The following COL3A1 variants were observed in gnomAD, a reference collection of about 807,000 sequenced individuals.
COL3A1 encodes the protein collagen type III alpha 1 chain, also known as collagen alpha-1(III) chain.
In COL3A1, 46 loss-of-function variants were observed where a neutral mutation model predicts 200.9. That is an observed-to-expected ratio of 0.23 (90% CI 0.18 to 0.29). The LOEUF (loss-of-function observed/expected upper bound fraction) is 0.29. COL3A1 is among the 10% of genes least tolerant of loss of function. COL3A1 has a pLI of 1.00. For missense variants in COL3A1, 1,367 were observed against 1,917.6 expected (o/e 0.71, Z 5.36); for synonymous variants, 650 against 628.0 (o/e 1.03, Z -0.52).
intron 1 of COL3A1, chr2:188,978,095 T>C (rs1222317273): frequency 7.3e-6 from 3 of 411,782 alleles, no homozygotes; most frequent in Non-Finnish European, 1.5e-5. Context: ...ACTACCTATT[T>C]ATGTATAGGC....
rs756125442 is a variant in COL3A1, at chr2:188,987,083, T to A, written c.472T>A (p.Tyr158Asn). ...PQNYSPQYDSYDVKSGVAVGG... is the reference protein window; with the variant it reads ...PQNYSPQYDSNDVKSGVAVGG... ...GAACTATTCTCCCCAGTATGATTCATATGATGTCAAGTCTGGAGTAGCAGT... is the reference window on the plus strand; with the variant it reads ...GAACTATTCTCCCCAGTATGATTCAAATGATGTCAAGTCTGGAGTAGCAGT... Residue 158 changes from tyrosine (Y) to asparagine (N), a missense_variant, in exon 5 of 51, where the codon TAT becomes AAT. Tyr to Asn is a moderately radical substitution (Grantham distance 143, BLOSUM62 -2). Around this residue, in one of 5 missense-constraint regions of COL3A1, gnomAD observed 462 missense variants for 681.4 expected, o/e 0.68. Transcript: ENST00000304636. The A allele has an allele frequency of 6.4e-5, 103 of 1,612,870 alleles. No individual in the cohort carries two copies. The highest frequency in any genetic ancestry group is 1.7e-4 in the Admixed American group (10 of 59,896).
In COL3A1 at chr2:188,994,298, G is replaced by C; in HGVS notation, c.1259G>C (p.Gly420Ala). The change falls in exon 18 of 51, where the codon GGT becomes GCT. Residue 420 changes from glycine to alanine, a missense_variant. Physicochemically the swap from Gly to Ala is moderately conservative, Grantham distance 60. Transcript: ENST00000304636. The surrounding 1 kb of genome is among the most constrained non-coding windows in gnomAD (Gnocchi z 4.5). ...MGARGPPGPA[G>A]ANGAPGLRGG... ...GCCCGGGGTCCTCCAGGACCAGCCG[G>C]TGCTAATGGTGCTCCTGGACTGCGA... is the stretch of plus-strand genomic sequence containing the variant. 1 of 1,613,800 alleles carries C rather than the reference G, an allele frequency of 6.2e-7. No homozygotes were observed. The highest frequency in any genetic ancestry group is 8.5e-7 in the Non-Finnish European group (1 of 1,179,986).
At chr2:188,985,006 G>T in intron 2 of COL3A1, 44 bp downstream of exon 2, 1 of 1,558,474 alleles carries the variant, frequency 6.4e-7, no homozygotes, top group Non-Finnish European at 8.8e-7. Context: ...TTCATATTTA[G>T]ACACATGAAT....
In COL3A1 at chr2:189,008,102, C is replaced by T. The variant is rs765522037; in HGVS notation, c.3485C>T (p.Pro1162Leu). The T allele has an allele frequency of 6.2e-7, 1 of 1,613,918 alleles. No individual in the cohort carries two copies. Among genetic ancestry groups the T allele is most frequent in the South Asian group, 1.1e-5 (1 of 91,032 alleles). ...GTSGHPGPIG[P>L]PGPRGNRGER... Reference sequence around the variant, plus strand: ...AGTGGACATCCAGGTCCCATTGGACCACCAGGGCCTCGAGGTAACAGAGGT... The same window carrying T: ...AGTGGACATCCAGGTCCCATTGGACTACCAGGGCCTCGAGGTAACAGAGGT... The change falls in exon 47 of 51, where the codon CCA (proline) becomes CTA (leucine). Residue 1162 changes from proline to leucine, a missense_variant. Coordinates refer to ENST00000304636, the MANE Select transcript of COL3A1 (RefSeq NM_000090.4).
chr2:189,003,447 G>A lies in COL3A1; in HGVS notation c.2590G>A (p.Gly864Ser). 6.2e-7 allele frequency: 1 copy of A among 1,613,576 alleles called. No homozygotes were observed. Residue 864 changes from glycine (G) to serine (S), a missense_variant, in exon 37 of 51, where the codon GGC (glycine) becomes AGC (serine). By Grantham distance (56) the Gly-to-Ser change is moderately conservative (BLOSUM62 0). Transcript: ENST00000304636. ...TCCCCAAGGTGTCAAAGGTGAACGTGGCAGTCCTGGTGGACCTGTAAGTAT... is the reference window on the plus strand; with the variant it reads ...TCCCCAAGGTGTCAAAGGTGAACGTAGCAGTCCTGGTGGACCTGTAAGTAT... ...PGPQGVKGER[G>S]SPGGPGAAGF...
chr2:188,982,798 G>A (rs1687981235), intron 1 of COL3A1, among the ~76,000 whole-genome samples: 2 of 151,898 alleles, frequency 1.3e-5, no homozygotes, highest in South Asian at 4.2e-4. Context: ...GGTTCATTTT[G>A]AGAAAAGGAA....
In COL3A1 at chr2:188,974,804, T is replaced by C. The variant is rs192380824; in HGVS notation, c.79+236T>C. ...AAGATAAGATGTTCTTGTACTAACTTGTTTTCATGTTAAAGGCACTGGAAA... is the reference window on the plus strand; with the variant it reads ...AAGATAAGATGTTCTTGTACTAACTCGTTTTCATGTTAAAGGCACTGGAAA... On this transcript the variant is annotated intron_variant, in intron 1 of 50. Coordinates refer to ENST00000304636, the MANE Select transcript of COL3A1 (RefSeq NM_000090.4). Among the ~76,000 whole-genome samples, 321 of 152,334 alleles carry C rather than the reference T, an allele frequency of 2.1e-3. 1 individual carries two copies. The highest frequency in any genetic ancestry group is 3.9e-3 in the Non-Finnish European group (264 of 68,026).
intron 3 of COL3A1, 122 bp from the exon 4 acceptor site, chr2:188,985,543 A>G: frequency 1.4e-6 from 1 of 707,946 alleles, no homozygotes; most frequent in East Asian, 2.7e-5. Flanking sequence ...AGTATGTGTT[A>G]TAAAGAAAAT....
intron 10 of COL3A1, 147 bp from the exon 11 acceptor site, chr2:188,990,857 A>G (rs1688173101): frequency 2.5e-6 from 2 of 790,406 alleles, no homozygotes; most frequent in South Asian, 3.1e-5. Flanking sequence ...AATATCTTCA[A>G]CCCCTTTAAA....
chr2:188,991,015 A>G lies in COL3A1; in HGVS notation c.810A>G (p.Gly270=), dbSNP rs1319987779. 1 of 1,613,338 alleles carries G rather than the reference A, an allele frequency of 6.2e-7. No homozygotes were observed. The highest frequency in any genetic ancestry group is 1.1e-5 in the South Asian group (1 of 91,006). ...PGMKGHRGFD[G]RNGEKGETGA... ...TATACATTTCCTAGGGCTTCGATGGACGAAATGGAGAAAAGGGTGAAACAG... is the reference window on the plus strand; with the variant it reads ...TATACATTTCCTAGGGCTTCGATGGGCGAAATGGAGAAAAGGGTGAAACAG... Residue 270 remains glycine (G), a synonymous_variant, in exon 11 of 51, where the codon GGA becomes GGG. Coordinates refer to ENST00000304636, the MANE Select transcript of COL3A1 (RefSeq NM_000090.4).
chr2:188,997,357 G>A lies in COL3A1; in HGVS notation c.1837G>A (p.Glu613Lys). The change falls in exon 26 of 51, where the codon GAA becomes AAA. Residue 613 changes from glutamate (E) to lysine (K), a missense_variant. Physicochemically the swap from Glu to Lys is moderately conservative, Grantham distance 56 (BLOSUM62 1). Transcript: ENST00000304636. ...TTAGGGTCCTCCTGGAAAGAATGGT[G>A]AAACTGGACCTCAGGGACCCCCAGG... ...GPQGPPGKNG[E>K]TGPQGPPGPT... is the part of the protein sequence containing the mutation. 6.2e-7 allele frequency: 1 copy of A among 1,613,898 alleles called. No individual in the cohort carries two copies. The highest frequency in any genetic ancestry group is 8.5e-7 in the Non-Finnish European group (1 of 1,179,846).
Position 188,991,480 on chromosome 2 carries a change from T to C in COL3A1, c.853-7T>C, listed in dbSNP as rs377063305. 5.7e-6 allele frequency: 9 copies of C among 1,584,402 alleles called. No homozygotes were observed. Among genetic ancestry groups the C allele is most frequent in the African/African-American group, 5.4e-5 (4 of 74,366 alleles). ...GTAAAATAGTAACATATTTTATATG[T>C]ATCTAGGGTGAAAATGGTCTTCCAG... On this transcript the variant is annotated splice_region_variant and splice_polypyrimidine_tract_variant and intron_variant, in intron 11 of 50. Transcript: ENST00000304636.
chr2:189,005,621 A>G (rs1344143669), intron 41 of COL3A1, 164 bp downstream of exon 41: 1 of 704,504 alleles, frequency 1.4e-6, no homozygotes, highest in Non-Finnish European at 2.6e-6. Context: ...GATAGACTTA[A>G]AAGCTCTTGT....
intron 32 of COL3A1, 130 bp downstream of exon 32, chr2:189,000,025 T>C (rs1289758834): frequency 3.4e-6 from 3 of 884,360 alleles, no homozygotes; most frequent in Middle Eastern, 2.8e-4. Context: ...AAGACCCGAA[T>C]GACTTGATTT....
intron 11 of COL3A1, 145 bp from the exon 12 acceptor site, chr2:188,991,338 GTAAA>G: frequency 1.6e-6 from 1 of 635,524 alleles, no homozygotes. Flanking sequence ...GAGATTTCTG[GTAAA>G]TAAAATACTA....
At chr2:188,990,796 C>G (rs1688172135) in intron 10 of COL3A1, among the ~76,000 whole-genome samples, 1 of 152,114 alleles carries the variant, frequency 6.6e-6, no homozygotes, top group South Asian at 2.1e-4. Flanking sequence ...TCTTATCAGA[C>G]TAAATTGCAC....
At chr2:188,997,846 T>C in intron 27 of COL3A1, 93 bp downstream of exon 27, 1 of 1,133,642 alleles carries the variant, frequency 8.8e-7, no homozygotes, top group Non-Finnish European at 1.3e-6. Flanking sequence ...GCTTAACTTG[T>C]GATTCTGTCT....
At position 188,990,090 on chromosome 2, in the gene COL3A1, A is replaced by C; in HGVS notation, c.691-6A>C. 1 of 1,613,354 alleles carries C rather than the reference A, an allele frequency of 6.2e-7. No homozygotes were observed. Among genetic ancestry groups the C allele is most frequent in the Non-Finnish European group, 8.5e-7 (1 of 1,179,468 alleles). ...GCACCTACGTATTCTTTATTTCTCTACCTAGGGAGAATCAGGTAGACCCGG... is the reference window on the plus strand; with the variant it reads ...GCACCTACGTATTCTTTATTTCTCTCCCTAGGGAGAATCAGGTAGACCCGG... On this transcript the variant is annotated splice_region_variant and splice_polypyrimidine_tract_variant and intron_variant, in intron 8 of 50. Transcript: ENST00000304636.
At chr2:188,987,338 C>A in intron 5 of COL3A1, among the ~76,000 whole-genome samples, 199 bp downstream of exon 5, 1 of 149,302 alleles carries the variant, frequency 6.7e-6, no homozygotes, top group African/African-American at 2.5e-5. Context: ...TATTTTTAAT[C>A]ACATATAAAT....
Sources: allele counts gnomAD v4.1 joint callset (sites outside exome capture counted in the v4.1 genomes callset), GRCh38; gene constraint gnomAD v4.1.1; regional missense constraint gnomAD v4.1.1; non-coding constraint Gnocchi (gnomAD v3.1); transcripts MANE v1.5; gene names NCBI Gene and HGNC (gene_info 2026-07-23, HGNC 2026-07-21).